AGBL1: variants seen among roughly 807,000 people sequenced by gnomAD.
The protein encoded by AGBL1 is AGBL carboxypeptidase 1, also known as cytosolic carboxypeptidase 4.
A neutral mutation model predicts 118.9 loss-of-function variants in AGBL1; 130 were observed. The ratio of observed to expected loss-of-function variants is 1.09; its 90% CI spans 0.95 to 1.26. AGBL1 has a LOEUF of 1.26. Ranked by LOEUF, AGBL1 falls within the 50% of genes most tolerant of loss-of-function variation. The pLI, the probability that AGBL1 is intolerant of heterozygous loss-of-function variation, is 0.00. For missense variants in AGBL1, 1,584 were observed against 1,298.1 expected, an observed-to-expected ratio of 1.22 and a Z score of -3.38; for synonymous variants, 555 against 478.9, an observed-to-expected ratio of 1.16 and a Z score of -2.08.
At chr15:86,537,377 C>T (rs1596240925) in intron 19 of AGBL1, among the ~76,000 whole-genome samples, 1 of 152,188 alleles carries the variant, frequency 6.6e-6, no homozygotes, top group Non-Finnish European at 1.5e-5. Context: ...ATGGCAAAGG[C>T]CTCTCAGGCT....
intron 18 of AGBL1, among the ~76,000 whole-genome samples, chr15:86,488,635 C>T (rs943918981): frequency 6.6e-6 from 1 of 152,044 alleles, no homozygotes; most frequent in Non-Finnish European, 1.5e-5. Flanking sequence ...TCTGACACAT[C>T]CCCTCACTCC....
chr15:86,685,978 G>GT (rs1422017169), intron 22 of AGBL1, among the ~76,000 whole-genome samples: 2 of 152,066 alleles, frequency 1.3e-5, no homozygotes, highest in Admixed American at 6.6e-5. Context: ...ATATGTGAAA[G>GT]TAAGTCCCAA....
At chr15:86,263,707 A>C (rs1412641598) in intron 10 of AGBL1, among the ~76,000 whole-genome samples, 1 of 152,160 alleles carries the variant, frequency 6.6e-6, no homozygotes, top group Admixed American at 6.5e-5. Flanking sequence ...TGCTGCTGCC[A>C]CTGTTGCTGC....
intron 23 of AGBL1, among the ~76,000 whole-genome samples, chr15:86,981,058 T>G (rs924634738): frequency 1.3e-5 from 2 of 152,028 alleles, no homozygotes; most frequent in Non-Finnish European, 2.9e-5. Context: ...GGCTAACTTT[T>G]GTATTTTCAG....
intron 22 of AGBL1, among the ~76,000 whole-genome samples, chr15:86,813,176 G>A (rs763576766): frequency 2.8e-5 from 4 of 143,442 alleles, no homozygotes; most frequent in African/African-American, 7.7e-5. Context: ...GCTGATGGGA[G>A]TAATGATGGG....
chr15:86,682,765 C>A (rs547197793), intron 22 of AGBL1, among the ~76,000 whole-genome samples: 2 of 152,064 alleles, frequency 1.3e-5, no homozygotes, highest in East Asian at 3.9e-4. Context: ...ATAAGTATGT[C>A]AATTTATATA....
chr15:86,677,257 G>A (rs1041436276), intron 22 of AGBL1, among the ~76,000 whole-genome samples: 10 of 152,214 alleles, frequency 6.6e-5, no homozygotes, highest in African/African-American at 2.4e-4. Flanking sequence ...AGAGATAGCG[G>A]ATGTTTGCCT....
chr15:86,226,884 A>C (rs372218226), intron 6 of AGBL1, among the ~76,000 whole-genome samples: 33 of 152,186 alleles, frequency 2.2e-4, no homozygotes, highest in African/African-American at 7.2e-4. Flanking sequence ...ATTGTGATGA[A>C]ATTGCTATTG....
intron 17 of AGBL1, among the ~76,000 whole-genome samples, chr15:86,383,185 G>A (rs1348016249): frequency 6.7e-6 from 1 of 148,368 alleles, no homozygotes; most frequent in Middle Eastern, 3.2e-3. Flanking sequence ...GCTGGAAAGG[G>A]TTTGGGGGAA....
chr15:86,226,752 C>T (rs577277815), intron 6 of AGBL1, among the ~76,000 whole-genome samples: 17 of 152,276 alleles, frequency 1.1e-4, no homozygotes, highest in African/African-American at 3.6e-4. Context: ...TTTCTAACTT[C>T]TTCTTTCCCT....
chr15:86,860,627 C>A (rs1041944960), intron 22 of AGBL1, among the ~76,000 whole-genome samples: 7 of 152,036 alleles, frequency 4.6e-5, no homozygotes, highest in Admixed American at 3.9e-4. Context: ...TGTCCCGCAG[C>A]AGGGGCTGCT....
At chr15:86,464,385 A>T (rs1460728237) in intron 18 of AGBL1, among the ~76,000 whole-genome samples, 1 of 152,196 alleles carries the variant, frequency 6.6e-6, no homozygotes, top group Non-Finnish European at 1.5e-5. Flanking sequence ...TGATCTGCAA[A>T]CAGAAATAAT....
intron 22 of AGBL1, among the ~76,000 whole-genome samples, chr15:86,889,993 A>G (rs1399430439): frequency 5.9e-5 from 9 of 152,200 alleles, no homozygotes; most frequent in Non-Finnish European, 1.2e-4. Flanking sequence ...CAATGGTTGA[A>G]CTAATTTGTA....
intron 22 of AGBL1, among the ~76,000 whole-genome samples, chr15:86,894,938 C>A (rs1482555020): frequency 6.6e-6 from 1 of 151,998 alleles, no homozygotes; most frequent in South Asian, 2.1e-4. Flanking sequence ...CAACTTTGTT[C>A]AAAGGGAATA....
intron 16 of AGBL1, 45 bp downstream of exon 16, chr15:86,279,828 T>G: frequency 1.2e-6 from 2 of 1,600,158 alleles, no homozygotes; most frequent in Non-Finnish European, 1.7e-6. Context: ...CTGAAGGGGC[T>G]CTCTGAGGTT....
chr15:86,894,687 G>A (rs970805877), intron 22 of AGBL1, among the ~76,000 whole-genome samples: 1 of 152,100 alleles, frequency 6.6e-6, no homozygotes, highest in African/African-American at 2.4e-5. Context: ...AAGGAGCAGT[G>A]GTGAAACCAG....
chr15:86,136,940 AT>A (rs1313067833), intron 1 of AGBL1, among the ~76,000 whole-genome samples: 2 of 152,204 alleles, frequency 1.3e-5, no homozygotes, highest in East Asian at 3.9e-4. Context: ...TGGTAGATAC[AT>A]TTTTTTATAG....
At chr15:86,788,535 G>T (rs1482530738) in intron 22 of AGBL1, among the ~76,000 whole-genome samples, 1 of 152,066 alleles carries the variant, frequency 6.6e-6, no homozygotes, top group African/African-American at 2.4e-5. Flanking sequence ...TCTACTATGG[G>T]GTCTAGGGAT....
At chr15:86,439,140 T>G (rs1399581084) in intron 18 of AGBL1, among the ~76,000 whole-genome samples, 1 of 152,116 alleles carries the variant, frequency 6.6e-6, no homozygotes, top group Non-Finnish European at 1.5e-5. Context: ...GGGAGCAGCA[T>G]CTCATCTCCT....
Sources: allele counts gnomAD v4.1 joint callset (sites outside exome capture counted in the v4.1 genomes callset), GRCh38; gene constraint gnomAD v4.1.1; transcripts MANE v1.5; gene names NCBI Gene and HGNC (gene_info 2026-07-23, HGNC 2026-07-21).